The following OTUB1 variants were observed in gnomAD, a reference collection of about 807,000 sequenced individuals.
The protein encoded by OTUB1 is ubiquitin thioesterase OTUB1.
A neutral mutation model predicts 35.8 loss-of-function variants in OTUB1; 10 were observed. The observed-to-expected ratio is 0.28, with a 90% CI of 0.17 to 0.47. OTUB1 has a LOEUF of 0.47. Among genes scored for constraint, OTUB1 ranks in the 20% least tolerant of loss-of-function variants. The probability of loss-of-function intolerance (pLI) is 0.99; values close to 1 mark genes in which losing one functional copy is unlikely to be tolerated. For synonymous variants in OTUB1, 158 were observed against 143.8 expected, an observed-to-expected ratio of 1.10 and a Z score of -0.71; for missense variants, 264 against 351.6, an observed-to-expected ratio of 0.75 and a Z score of 1.99.
rs1056607455 is a variant in OTUB1 at position 63,986,885 on chromosome 11, C to T, written c.58+371C>T. On this transcript the variant is annotated intron_variant, in intron 1 of 6. Coordinates refer to ENST00000538426, the MANE Select transcript of OTUB1 (RefSeq NM_017670.3). ...AGGCCTACGCCAGGGCCGAGCCCCC[C>T]GGCCTGCTCCAGCGGCGGCCCGCGC... The T allele has an allele frequency of 2.3e-5, 5 of 220,106 alleles. No individual in the cohort carries two copies. The East Asian group carries it at 3.7e-4, about 16-fold the overall frequency. The allele number at this position is 220,106 out of a possible 1,614,324, so 13.6% of individuals were successfully genotyped here. A position where few individuals can be genotyped will look rare whatever the true frequency, so the allele number is the denominator to read the frequency against.
chr11:63,995,690 G>C (rs1942710598), intron 3 of OTUB1, among the ~76,000 whole-genome samples: 3 of 152,128 alleles, frequency 2.0e-5, no homozygotes, highest in Admixed American at 2.0e-4. Context: ...AGGCAGCTTA[G>C]GTGGCAGCTG....
intron 1 of OTUB1, among the ~76,000 whole-genome samples, chr11:63,987,626 C>G (rs142119296): frequency 6.6e-6 from 1 of 152,224 alleles, no homozygotes; most frequent in Admixed American, 6.5e-5. Context: ...GGTTTGACCG[C>G]AGGTCTTTTG....
intron 4 of OTUB1, 22 bp downstream of exon 4, chr11:63,996,670 C>T (rs1209012677): frequency 1.2e-6 from 2 of 1,614,186 alleles, no homozygotes; most frequent in African/African-American, 1.3e-5. Context: ...GGGCACTGGG[C>T]ACCGAGGCAG....
chr11:63,995,252 G>A (rs1397287886), intron 3 of OTUB1, among the ~76,000 whole-genome samples: 3 of 151,794 alleles, frequency 2.0e-5, no homozygotes, highest in South Asian at 4.2e-4. Context: ...GCTGGAGTGC[G>A]ATGGCGCAAT....
intron 1 of OTUB1, among the ~76,000 whole-genome samples, chr11:63,987,441 G>A (rs1942631544): frequency 6.6e-6 from 1 of 152,192 alleles, no homozygotes; most frequent in African/African-American, 2.4e-5. Flanking sequence ...GCTCACAGTG[G>A]GGTCCATAGG....
At chr11:63,994,565 C>G (rs1381495334) in intron 3 of OTUB1, among the ~76,000 whole-genome samples, 1 of 152,204 alleles carries the variant, frequency 6.6e-6, no homozygotes, top group African/African-American at 2.4e-5. Context: ...TGACTGTTTT[C>G]TTGCAGGTGA....
chr11:63,994,793 G>A (rs1452742507), intron 3 of OTUB1, among the ~76,000 whole-genome samples: 5 of 152,352 alleles, frequency 3.3e-5, no homozygotes, highest in African/African-American at 1.2e-4. Context: ...CTCTGATTGA[G>A]GGCGTTCAGC....
rs1942726827 is a variant in OTUB1, at chr11:63,997,047, C to T, written c.424-3C>T. 3.1e-6 allele frequency: 5 copies of T among 1,613,000 alleles called. No individual in the cohort carries two copies. Among genetic ancestry groups the T allele is most frequent in the Non-Finnish European group, 4.2e-6 (5 of 1,179,166 alleles). Reference sequence around the variant, plus strand: ...CTTGCCCTTTCTCCCTCCGTGGCTGCAGTTCATGGACCTGATTGAGCAGGT... The same window carrying T: ...CTTGCCCTTTCTCCCTCCGTGGCTGTAGTTCATGGACCTGATTGAGCAGGT... On this transcript the variant is annotated splice_polypyrimidine_tract_variant and splice_region_variant and intron_variant, in intron 5 of 6. Transcript: ENST00000538426.
chr11:63,990,590 A>AAAAAAAAT (rs1375656819), intron 3 of OTUB1: 6 of 131,086 alleles, frequency 4.6e-5, no homozygotes, highest in African/African-American at 1.5e-4. Context: ...TCTCTTAAAA[A>AAAAAAAAT]AATAAAAAAA....
intron 3 of OTUB1, among the ~76,000 whole-genome samples, chr11:63,991,006 G>T (rs1000928723): frequency 1.3e-5 from 2 of 152,230 alleles, no homozygotes; most frequent in African/African-American, 2.4e-5. Context: ...AGATCCAGCT[G>T]TGTGAGATCT....
chr11:63,988,790 G>T, intron 3 of OTUB1, 38 bp downstream of exon 3: 1 of 1,364,922 alleles, frequency 7.3e-7, no homozygotes, highest in Admixed American at 1.7e-5. Flanking sequence ...AGCACCCTGG[G>T]GGTGGGGCAG....
intron 1 of OTUB1, 77 bp downstream of exon 1, chr11:63,986,591 G>T: frequency 7.4e-7 from 1 of 1,352,238 alleles, no homozygotes; most frequent in Non-Finnish European, 1.0e-6. Context: ...GGAGGGAGGG[G>T]AGGCAGGGCC....
rs1471755430 is a variant in OTUB1 at position 63,997,593 on chromosome 11, G to A, written c.*47G>A. 4.6e-6 allele frequency: 7 copies of A among 1,532,910 alleles called. No homozygotes were observed. The highest frequency in any genetic ancestry group is 1.7e-4 in the Middle Eastern group (1 of 5,904). The allele number at this position is 1,532,910 out of a possible 1,614,324, so 95.0% of individuals were successfully genotyped here. ...GCCCTGCTGCCCCCCTCTGCCAGGC[G>A]CTAGACATGTACAGAGGTTTTTCTG... On this transcript the variant is annotated 3_prime_UTR_variant, in exon 7 of 7. Coordinates refer to ENST00000538426, the MANE Select transcript of OTUB1 (RefSeq NM_017670.3).
At chr11:63,991,566 C>G (rs1316683051) in intron 3 of OTUB1, among the ~76,000 whole-genome samples, 1 of 152,210 alleles carries the variant, frequency 6.6e-6, no homozygotes, top group Non-Finnish European at 1.5e-5. Flanking sequence ...GGCAGCAGAG[C>G]CCAAGCAGAG....
chr11:63,994,109 A>G (rs1232220892), intron 3 of OTUB1, among the ~76,000 whole-genome samples: 1 of 151,882 alleles, frequency 6.6e-6, no homozygotes, highest in Non-Finnish European at 1.5e-5. Context: ...CCCAGGTGAC[A>G]TAGAAAGCCC....
chr11:63,994,618 C>T (rs1942700921), intron 3 of OTUB1, among the ~76,000 whole-genome samples: 1 of 152,218 alleles, frequency 6.6e-6, no homozygotes, highest in African/African-American at 2.4e-5. Context: ...GGTGGCATCC[C>T]TGACCCTCAG....
In OTUB1 at chr11:63,998,109, AGC is replaced by A; in HGVS notation, c.*564_*565del. 2.4e-5 allele frequency: 8 copies of A among 336,922 alleles called. No individual in the cohort carries two copies. The highest frequency in any genetic ancestry group is 1.3e-4 in the South Asian group (4 of 30,998). 20.9% of individuals were successfully genotyped at this position (336,922 alleles called of 1,614,324 possible). ...GGACCCGGCTCAGGGCAGGTGGAGG[AGC>A]TGGGCCTCCCACAGGGTGCCCGGGC... On this transcript the variant is annotated 3_prime_UTR_variant, in exon 7 of 7. Transcript: ENST00000538426.
At position 63,997,759 on chromosome 11, in the gene OTUB1, C is replaced by CT; in HGVS notation, c.*214dup. 1.4e-6 allele frequency: 1 copy of CT among 702,186 alleles called. No individual in the cohort carries two copies. The highest frequency in any genetic ancestry group is 2.6e-6 in the Non-Finnish European group (1 of 385,744). The allele number at this position is 702,186 out of a possible 1,614,324, so 43.5% of individuals were successfully genotyped here. On this transcript the variant is annotated 3_prime_UTR_variant, in exon 7 of 7. Coordinates refer to ENST00000538426, the MANE Select transcript of OTUB1 (RefSeq NM_017670.3). Reference sequence around the variant, plus strand: ...GCCTGGCTGCTCTGTCTGCTGCCCCCTCCCCCCAGGTGGGTCCCCCTGCTT... The same window carrying CT: ...GCCTGGCTGCTCTGTCTGCTGCCCCCTTCCCCCCAGGTGGGTCCCCCTGCTT...
chr11:63,995,946 G>A (rs1942712748), intron 3 of OTUB1, among the ~76,000 whole-genome samples: 1 of 152,052 alleles, frequency 6.6e-6, no homozygotes, highest in Non-Finnish European at 1.5e-5. Context: ...GGTGTAGGTT[G>A]CAGTGAGCCG....
Sources: gnomAD v4.1 joint callset for allele counts (sites outside exome capture counted in the v4.1 genomes callset) on GRCh38, gnomAD v4.1.1 for gene constraint, MANE v1.5 for transcripts, NCBI Gene and HGNC (gene_info 2026-07-23, HGNC 2026-07-21) for gene names.